ADCY9: variants seen among roughly 807,000 people sequenced by gnomAD.
The protein encoded by ADCY9 is adenylate cyclase 9.
Under a neutral mutation model 101.5 loss-of-function variants are expected in ADCY9, and 50 were observed. The ratio of observed to expected loss-of-function variants is 0.49; its 90% CI spans 0.39 to 0.62. The LOEUF is 0.62. ADCY9 is among the 20% of genes least tolerant of loss of function. ADCY9 has a pLI of 0.00. For synonymous variants in ADCY9, 905 were observed against 769.3 expected (o/e 1.18, Z -2.92); for missense variants, 1,662 against 1,800.4 (o/e 0.92, Z 1.39).
At chr16:4,037,341 C>A (rs146216564) in intron 2 of ADCY9, among the ~76,000 whole-genome samples, 51 of 152,124 alleles carry the variant, frequency 3.4e-4, no homozygotes, top group African/African-American at 1.1e-3. Flanking sequence ...AAAAAATAAT[C>A]ATAATAATAA....
chr16:3,978,416 T>A (rs2531988), intron 8 of ADCY9, among the ~76,000 whole-genome samples: 2 of 152,068 alleles, frequency 1.3e-5, no homozygotes, highest in Non-Finnish European at 2.9e-5. Flanking sequence ...TTTAGCACAG[T>A]TCCCTTCCTG....
At chr16:4,016,947 C>T (rs566156737) in intron 2 of ADCY9, among the ~76,000 whole-genome samples, 119 of 152,292 alleles carry the variant, frequency 7.8e-4, no homozygotes, top group African/African-American at 2.7e-3. Flanking sequence ...AAATCATACA[C>T]TTGAGAGGGT....
At chr16:4,073,531 G>A (rs1288485693) in intron 2 of ADCY9, among the ~76,000 whole-genome samples, 1 of 152,122 alleles carries the variant, frequency 6.6e-6, no homozygotes, top group Non-Finnish European at 1.5e-5. Flanking sequence ...AAGTAGCTGG[G>A]ATGACAGGCT....
rs76669305 is a variant in ADCY9 at position 4,057,385 on chromosome 16, G to C, written c.1694-49827C>G. On this transcript the variant is annotated intron_variant, in intron 2 of 10. Coordinates refer to ENST00000294016, the MANE Select transcript of ADCY9 (RefSeq NM_001116.4). Reference sequence around the variant, plus strand: ...AGTGGTGTCTAGCATATTCACACAGGGCTGTGCAACCATCACCACCATCAA... The same window carrying C: ...AGTGGTGTCTAGCATATTCACACAGCGCTGTGCAACCATCACCACCATCAA... 5.9e-3 allele frequency among the ~76,000 whole-genome samples: 900 copies of C among 152,148 alleles called. 4 individuals are homozygous for C. The highest frequency in any genetic ancestry group is 9.9e-3 in the Non-Finnish European group (673 of 67,982).
In ADCY9 at chr16:4,081,459, T is replaced by G. The variant is rs373383401; in HGVS notation, c.1693+32291A>C. On this transcript the variant is annotated intron_variant, in intron 2 of 10. Coordinates refer to ENST00000294016, the MANE Select transcript of ADCY9 (RefSeq NM_001116.4). The stretch of plus-strand genomic sequence containing the variant: ...CCAGATGTAAGTTTAAGAAATACGT[T>G]TGTTATAAGGTTTCTTAACAAGACA... Among the ~76,000 whole-genome samples, 4 of 152,350 alleles carry G rather than the reference T, an allele frequency of 2.6e-5. No homozygotes were observed. The South Asian group carries it at 8.3e-4, about 32-fold the overall frequency.
chr16:3,972,637 T>C (rs66768878), intron 10 of ADCY9, among the ~76,000 whole-genome samples: 23,667 of 152,112 alleles, frequency 0.16, 2,021 homozygotes, highest in South Asian at 0.41. Flanking sequence ...AGAAGAGGGA[T>C]TGAAAAACTG....
At chr16:4,014,500 C>T (rs1028361161) in intron 2 of ADCY9, among the ~76,000 whole-genome samples, 10 of 150,524 alleles carry the variant, frequency 6.6e-5, no homozygotes, top group Admixed American at 2.0e-4. Flanking sequence ...CAGGCTGGAG[C>T]GTAGTGGCGC....
At chr16:4,040,488 G>A (rs917361380) in intron 2 of ADCY9, among the ~76,000 whole-genome samples, 23 of 143,752 alleles carry the variant, frequency 1.6e-4, no homozygotes, top group African/African-American at 3.9e-4. Flanking sequence ...ATAGAGTCTC[G>A]CTCTGTCACC....
chr16:3,963,097 CATATATATATAT>C lies in ADCY9; in HGVS notation c.*2666_*2677del, dbSNP rs57326989. 1.0e-3 allele frequency: 126 copies of C among 122,098 alleles called. No homozygotes were observed. The highest frequency in any genetic ancestry group is 4.7e-3 in the East Asian group (17 of 3,582). 7.6% of individuals were successfully genotyped at this position (122,098 alleles called of 1,614,324 possible). ...GATAAAATTGTGTGTGCTTGTTTAC[CATATATATATAT>C]ATATATATATATATATATATATATA... On this transcript the variant is annotated 3_prime_UTR_variant, in exon 11 of 11. Transcript: ENST00000294016.
rs185283666 is a variant in ADCY9, at chr16:3,965,817, T to C, written c.4020A>G (p.Glu1340=). The change falls in exon 11 of 11, where the codon GAA becomes GAG. Residue 1340 remains glutamate (E), a synonymous_variant. Transcript: ENST00000294016. ...KDDCDETGIE[E]ANELTKLNVS... ...CGTTGAGCTTGGTGAGTTCGTTGGCTTCTTCTATTCCTGTTTCGTCACAGT... is the reference window on the plus strand; with the variant it reads ...CGTTGAGCTTGGTGAGTTCGTTGGCCTCTTCTATTCCTGTTTCGTCACAGT... 9.3e-6 allele frequency: 15 copies of C among 1,613,936 alleles called. No homozygotes were observed. The highest frequency in any genetic ancestry group is 1.3e-5 in the Non-Finnish European group (15 of 1,179,976).
chr16:4,047,731 T>TG (rs2056674998), intron 2 of ADCY9, among the ~76,000 whole-genome samples: 1 of 152,162 alleles, frequency 6.6e-6, no homozygotes, highest in African/African-American at 2.4e-5. Context: ...TTGAAATCTA[T>TG]GACCAAGCAG....
At chr16:3,981,279 C>T (rs978069584) in intron 7 of ADCY9, among the ~76,000 whole-genome samples, 26 of 152,320 alleles carry the variant, frequency 1.7e-4, no homozygotes, top group African/African-American at 5.3e-4. Flanking sequence ...GCCCTCAATG[C>T]TTTAGAATTG....
rs869169536 is a variant in ADCY9 at position 4,108,360 on chromosome 16, ATTTTTTTTTTTTTT to A, written c.1693+5376_1693+5389del. Among the ~76,000 whole-genome samples the A allele has an allele frequency of 5.0e-4, 27 of 53,744 alleles. No individual in the cohort carries two copies. The East Asian group carries it at 0.013, about 25-fold the overall frequency. The allele number at this position is 53,744 out of a possible 152,430, so 35.3% of individuals were successfully genotyped here. The stretch of plus-strand genomic sequence containing the variant: ...CTCACCTTAATCAGACCGTTTCTTC[ATTTTTTTTTTTTTT>A]TTTTTTTTTTTTTTTTGGCGACAAA... On this transcript the variant is annotated intron_variant, in intron 2 of 10. Coordinates refer to ENST00000294016, the MANE Select transcript of ADCY9 (RefSeq NM_001116.4).
intron 2 of ADCY9, among the ~76,000 whole-genome samples, chr16:4,084,830 A>G (rs1477567150): frequency 6.6e-6 from 1 of 152,146 alleles, no homozygotes; most frequent in East Asian, 1.9e-4. Context: ...TAGTTATCAG[A>G]AACCCAACAA....
At chr16:3,989,315 C>T (rs1229503226) in intron 5 of ADCY9, among the ~76,000 whole-genome samples, 1 of 151,982 alleles carries the variant, frequency 6.6e-6, no homozygotes, top group African/African-American at 2.4e-5. Flanking sequence ...TTGTGTTTCA[C>T]CTTCGTTAAA....
intron 2 of ADCY9, among the ~76,000 whole-genome samples, chr16:4,030,640 T>C (rs915891480): frequency 6.6e-6 from 1 of 151,418 alleles, no homozygotes; most frequent in Non-Finnish European, 1.5e-5. Context: ...GAGGTGGAGG[T>C]TGCAGTGAGT....
intron 4 of ADCY9, 150 bp downstream of exon 4, chr16:3,993,256 T>A (rs2056260299): frequency 1.4e-6 from 2 of 1,386,076 alleles, no homozygotes; most frequent in South Asian, 1.5e-5. Flanking sequence ...CCTGCCGGTC[T>A]CTTCAACACC....
Position 3,987,958 on chromosome 16 carries a change from T to C in ADCY9, c.2310+1036A>G, listed in dbSNP as rs2056207913. 2.0e-5 allele frequency among the ~76,000 whole-genome samples: 3 copies of C among 151,956 alleles called. No homozygotes were observed. The South Asian group carries it at 6.2e-4, about 32-fold the overall frequency. On this transcript the variant is annotated intron_variant, in intron 6 of 10. Coordinates refer to ENST00000294016, the MANE Select transcript of ADCY9 (RefSeq NM_001116.4). ...TTCCAGCAACCCCCTAAGGAGCACT[T>C]GTGAGCGCTGGGACTCTGCTGGAGG... is the stretch of plus-strand genomic sequence containing the variant.
At chr16:4,042,406 T>C (rs1490215725) in intron 2 of ADCY9, among the ~76,000 whole-genome samples, 1 of 152,138 alleles carries the variant, frequency 6.6e-6, no homozygotes, top group Non-Finnish European at 1.5e-5. Flanking sequence ...TATGGCTTCT[T>C]CCCCGCCCCA....
Sources: allele counts gnomAD v4.1 joint callset (sites outside exome capture counted in the v4.1 genomes callset), GRCh38; gene constraint gnomAD v4.1.1; transcripts MANE v1.5; gene names NCBI Gene and HGNC (gene_info 2026-07-23, HGNC 2026-07-21).